Variants in KLK4 observed in about 807,000 individuals in gnomAD.
KLK4 encodes the protein kallikrein related peptidase 4.
Under a neutral mutation model 24.3 loss-of-function variants are expected in KLK4, and 24 were observed. The ratio of observed to expected loss-of-function variants is 0.99; its 90% confidence interval spans 0.72 to 1.39. The LOEUF is 1.39. KLK4 is among the 40% of genes most tolerant of loss of function. The pLI, the probability that KLK4 is intolerant of heterozygous loss-of-function variation, is 0.00. For synonymous variants in KLK4, 142 were observed against 138.8 expected, an observed-to-expected ratio of 1.02 and a Z score of -0.16; for missense variants, 344 against 327.4, an observed-to-expected ratio of 1.05 and a Z score of -0.39.
intron 3 of KLK4, 151 bp from the exon 4 acceptor site, chr19:50,908,980 C>T (rs890254132): frequency 2.0e-6 from 3 of 1,506,200 alleles, no homozygotes; most frequent in Non-Finnish European, 2.7e-6. Flanking sequence ...GTCTCAAATC[C>T]TCATTCACAA....
chr19:50,908,985 T>G, intron 3 of KLK4, 156 bp from the exon 4 acceptor site: 1 of 1,501,456 alleles, frequency 6.7e-7, no homozygotes, highest in Non-Finnish European at 8.9e-7. Context: ...AAATCCTCAT[T>G]CACAAAAATT....
At chr19:50,909,150 A>G in intron 3 of KLK4, 102 bp downstream of exon 3, 1 of 1,600,166 alleles carries the variant, frequency 6.2e-7, no homozygotes, top group Non-Finnish European at 8.5e-7. Flanking sequence ...CTCCTCCCAG[A>G]GCCTTCACCG....
chr19:50,909,527 C>CG, intron 2 of KLK4, 113 bp from the exon 3 acceptor site: 1 of 1,098,988 alleles, frequency 9.1e-7, no homozygotes, highest in Non-Finnish European at 1.3e-6. Flanking sequence ...CAGGGCTCCT[C>CG]GGGGCGGAGT....
In KLK4 at chr19:50,910,357, C is replaced by T. The variant is rs1316597908; in HGVS notation, c.61+321G>A. Among the ~76,000 whole-genome samples, 1 of 152,026 alleles carries T rather than the reference C, an allele frequency of 6.6e-6. No homozygotes were observed. The highest frequency in any genetic ancestry group is 1.5e-5 in the Non-Finnish European group (1 of 68,014). On this transcript the variant is annotated intron_variant, in intron 2 of 5. Coordinates refer to ENST00000324041, the Ensembl canonical transcript of KLK4. The surrounding 1 kb of genome is among the most constrained non-coding windows in gnomAD (Gnocchi z 4.4). Reference sequence around the variant, plus strand: ...GGCACAGATTCCCAGCAATGGATCACGCCCCAGGAAGCACAATCTCCTGCA... The same window carrying T: ...GGCACAGATTCCCAGCAATGGATCATGCCCCAGGAAGCACAATCTCCTGCA...
Position 50,908,503 on chromosome 19 carries a change from G to C in KLK4, c.476-8C>G, listed in dbSNP as rs370080031. On this transcript the variant is annotated splice_region_variant and splice_polypyrimidine_tract_variant and intron_variant, in intron 4 of 5. Transcript: ENST00000324041. ...GCACGGTAGGCATTCTGCCTGGGAC[G>C]CAGAGCTCTGGGTCAGCCCCCGCGA... The C allele has an allele frequency of 8.7e-6, 14 of 1,614,160 alleles. No homozygotes were observed. The highest frequency in any genetic ancestry group is 1.1e-5 in the Non-Finnish European group (13 of 1,180,034).
chr19:50,910,748 A>G lies in KLK4; in HGVS notation c.-10T>C. 6.4e-7 allele frequency: 1 copy of G among 1,552,158 alleles called. No individual in the cohort carries two copies. The highest frequency in any genetic ancestry group is 8.7e-7 in the Non-Finnish European group (1 of 1,147,180). ...TTCCTGCTGTGGCCATCACGTCAGCACCTGGGGATGAGGACTGAGACTTAG... is the reference window on the plus strand; with the variant it reads ...TTCCTGCTGTGGCCATCACGTCAGCGCCTGGGGATGAGGACTGAGACTTAG... On this transcript the variant is annotated splice_region_variant and 5_prime_UTR_variant, in exon 2 of 6. Transcript: ENST00000324041. This position sits in a 1 kb window ranked among gnomAD's most constrained non-coding sequence, Gnocchi z 4.4.
chr19:50,908,921 C>T (rs1334493314), intron 3 of KLK4, 92 bp from the exon 4 acceptor site: 3 of 1,563,830 alleles, frequency 1.9e-6, no homozygotes, highest in African/African-American at 1.3e-5. Context: ...CATCTCCTAA[C>T]CCCAACCCCA....
intron 5 of KLK4, among the ~76,000 whole-genome samples, chr19:50,907,695 C>A (rs567486054): frequency 1.3e-5 from 2 of 152,158 alleles, no homozygotes; most frequent in Admixed American, 6.5e-5. Flanking sequence ...CATGAGCCAC[C>A]CTGCCCAGCC....
At position 50,908,460 on chromosome 19, in the gene KLK4, A is replaced by G. The variant is rs373897699; in HGVS notation, c.511T>C (p.Ser171Pro). The change falls in exon 5 of 6, where the codon TCG (serine) becomes CCG (proline). Residue 171 changes from serine (S) to proline (P), a missense_variant. Physicochemically the swap from Ser to Pro is moderately conservative, Grantham distance 74 (BLOSUM62 -1). Transcript: ENST00000324041. ...CTGCAGACCTCCTCAGACACCACCG[A>G]CACGTTCACGCACTGCAGCACGGTA... The G allele has an allele frequency of 1.7e-5, 27 of 1,614,000 alleles. No individual in the cohort carries two copies. Among genetic ancestry groups the G allele is most frequent in the Non-Finnish European group, 1.9e-5 (23 of 1,180,042 alleles).
chr19:50,907,054 C>T, exon 6 of KLK4: 1 of 1,614,156 alleles, frequency 6.2e-7, no homozygotes, highest in Non-Finnish European at 8.5e-7. Flanking sequence ...CCTGCAAGTA[C>T]CCGTTGCAGA....
At position 50,909,187 on chromosome 19, in the gene KLK4, G is replaced by C. The variant is rs148967680; in HGVS notation, c.224+65C>G. 1,309 of 1,612,536 alleles carry C rather than the reference G, an allele frequency of 8.1e-4. 11 individuals carry two copies. In the African/African-American group the frequency reaches 0.016, roughly 19 times the overall value. Reference sequence around the variant, plus strand: ...TGTTTCCCCCTGAGCACCCCAAGATGAGCCTGATATTAGGCCCCGCCCCCG... The same window carrying C: ...TGTTTCCCCCTGAGCACCCCAAGATCAGCCTGATATTAGGCCCCGCCCCCG... On this transcript the variant is annotated intron_variant, in intron 3 of 5. Coordinates refer to ENST00000324041, the Ensembl canonical transcript of KLK4.
intron 2 of KLK4, among the ~76,000 whole-genome samples, chr19:50,909,664 G>C (rs1389576757): frequency 6.6e-6 from 1 of 151,376 alleles, no homozygotes; most frequent in Non-Finnish European, 1.5e-5. Flanking sequence ...CTGGGGGCGG[G>C]CCCAGGGGGC....
At position 50,910,093 on chromosome 19, in the gene KLK4, G is replaced by C. The variant is rs974229542; in HGVS notation, c.61+585C>G. 2.6e-5 allele frequency among the ~76,000 whole-genome samples: 4 copies of C among 151,996 alleles called. No homozygotes were observed. The highest frequency in any genetic ancestry group is 4.4e-5 in the Non-Finnish European group (3 of 67,970). On this transcript the variant is annotated intron_variant, in intron 2 of 5. Transcript: ENST00000324041. This position sits in a 1 kb window ranked among gnomAD's most constrained non-coding sequence, Gnocchi z 4.4. ...TAGCAGTAGGATCGGGTCCTTCGGG[G>C]TGAATTAAAGCTCAGGGGGTGGAGT...
chr19:50,907,002 C>G (rs140350753), exon 6 of KLK4: 1 of 1,614,016 alleles, frequency 6.2e-7, no homozygotes, highest in African/African-American at 1.3e-5. Flanking sequence ...ACACCTGGCA[C>G]GCCAACTTGG....
intron 5 of KLK4, among the ~76,000 whole-genome samples, 187 bp from the exon 6 acceptor site, chr19:50,907,273 A>G (rs2090441015): frequency 6.6e-6 from 1 of 151,980 alleles, no homozygotes; most frequent in Non-Finnish European, 1.5e-5. Flanking sequence ...CTGCTTCCCG[A>G]TGTCCTATGT....
At chr19:50,909,179 C>T (rs1051466753) in intron 3 of KLK4, 73 bp downstream of exon 3, 6 of 1,612,114 alleles carry the variant, frequency 3.7e-6, no homozygotes, top group Non-Finnish European at 5.1e-6. Context: ...CCCTGAGCAC[C>T]CCAAGATGAG....
At position 50,909,116 on chromosome 19, in the gene KLK4, C is replaced by G. The variant is rs915438371; in HGVS notation, c.224+136G>C. The G allele has an allele frequency of 1.9e-6, 3 of 1,551,766 alleles. No homozygotes were observed. In the African/African-American group the frequency reaches 4.1e-5, roughly 21 times the overall value. On this transcript the variant is annotated intron_variant, in intron 3 of 5. Coordinates refer to ENST00000324041, the Ensembl canonical transcript of KLK4. The stretch of plus-strand genomic sequence containing the variant: ...CCTCCCAGCCCTTCCCTCTGGGGCT[C>G]CCCGGATCCAGGCTCATTCCGTCCT...
At chr19:50,906,808 G>C in exon 6 of KLK4, 1 of 1,188,232 alleles carries the variant, frequency 8.4e-7, no homozygotes, top group Non-Finnish European at 1.2e-6. Context: ...CCCTTGGTTT[G>C]AGGGAGGAGG....
In KLK4 at chr19:50,910,861, G is replaced by A; in HGVS notation, c.-11-112C>T. On this transcript the variant is annotated intron_variant, in intron 1 of 5. Coordinates refer to ENST00000324041, the Ensembl canonical transcript of KLK4. The surrounding 1 kb of genome is among the most constrained non-coding windows in gnomAD (Gnocchi z 4.4). Reference sequence around the variant, plus strand: ...CTCTGGGACGTTATTAGGTAGGCAAGAGCCTAGACCATCTACCCCCTCTCC... The same window carrying A: ...CTCTGGGACGTTATTAGGTAGGCAAAAGCCTAGACCATCTACCCCCTCTCC... 1.1e-6 allele frequency: 1 copy of A among 901,384 alleles called. No individual in the cohort carries two copies. The highest frequency in any genetic ancestry group is 1.8e-6 in the Non-Finnish European group (1 of 560,732). The allele number at this position is 901,384 out of a possible 1,614,324, so 55.8% of individuals were successfully genotyped here. A position where few individuals can be genotyped will look rare whatever the true frequency, so the allele number is the denominator to read the frequency against.
Sources: allele counts gnomAD v4.1 joint callset (sites outside exome capture counted in the v4.1 genomes callset), GRCh38; gene constraint gnomAD v4.1.1; non-coding constraint Gnocchi (gnomAD v3.1); transcripts MANE v1.5; gene names NCBI Gene and HGNC (gene_info 2026-07-23, HGNC 2026-07-21).